GOLGB1: variants seen among roughly 807,000 people sequenced by gnomAD.
GOLGB1 encodes golgin B1, also known as golgin subfamily B member 1.
In GOLGB1, 174 loss-of-function variants were observed where a neutral mutation model predicts 336.9. That is an observed-to-expected ratio of 0.52 (90% CI 0.46 to 0.59). The LOEUF (loss-of-function observed/expected upper bound fraction) is 0.59, where lower values mean the gene tolerates loss of function less well. Among genes scored for constraint, GOLGB1 ranks in the 20% least tolerant of loss-of-function variants. The pLI is 0.00. For missense variants in GOLGB1, 3,331 were observed against 3,645.3 expected (o/e 0.91, Z 2.22); for synonymous variants, 1,208 against 1,289.2 (o/e 0.94, Z 1.35).
At position 121,691,084 on chromosome 3, in the gene GOLGB1, A is replaced by T; in HGVS notation, c.8280T>A (p.Asp2760Glu). The change falls in exon 14 of 22, where the codon GAT becomes GAA. Residue 2760 changes from aspartate to glutamate, a missense_variant. Asp to Glu is a conservative substitution (Grantham distance 45). Transcript: ENST00000614479. ...NSRDHANEELDELKRKYDASL... is the reference protein window; with the variant it reads ...NSRDHANEELEELKRKYDASL... ...TGGCATCATATTTCCTTTTCAGTTC[A>T]TCAAGTTCCTCATTGGCATGATCTC... is the stretch of plus-strand genomic sequence containing the variant. 1.2e-6 allele frequency: 2 copies of T among 1,614,070 alleles called. No individual in the cohort carries two copies. The highest frequency in any genetic ancestry group is 2.2e-5 in the East Asian group (1 of 44,888).
Position 121,691,029 on chromosome 3 carries a change from G to A in GOLGB1, c.8335C>T (p.Gln2779Ter). Reference sequence around the variant, plus strand: ...TCTCTCTCTCTGTTTAAGAGTCCCTGTTCTTTCAACTGTGCCAATTCCTTC... The same window carrying A: ...TCTCTCTCTCTGTTTAAGAGTCCCTATTCTTTCAACTGTGCCAATTCCTTC... Reference protein sequence around the residue: ...SLKELAQLKEQGLLNRERDAL... With the variant: ...SLKELAQLKE Residue 2779 changes from glutamine (Q) to a stop codon, truncating the protein, a stop_gained, in exon 14 of 22, where the codon CAG (glutamine) becomes TAG (stop). Coordinates refer to ENST00000614479, the MANE Select transcript of GOLGB1 (RefSeq NM_001366282.2). LOFTEE classifies it high-confidence loss of function. 6.2e-7 allele frequency: 1 copy of A among 1,613,816 alleles called. No individual in the cohort carries two copies. Among genetic ancestry groups the A allele is most frequent in the South Asian group, 1.1e-5 (1 of 91,060 alleles).
At chr3:121,709,775 TAA>T (rs1046201477) in intron 10 of GOLGB1, among the ~76,000 whole-genome samples, 1 of 151,928 alleles carries the variant, frequency 6.6e-6, no homozygotes, top group African/African-American at 2.4e-5. Flanking sequence ...AAGAGCAAAG[TAA>T]ATCCAAGTAA....
intron 14 of GOLGB1, among the ~76,000 whole-genome samples, chr3:121,690,070 G>A (rs1382617288): frequency 6.6e-6 from 1 of 152,150 alleles, no homozygotes; most frequent in African/African-American, 2.4e-5. Context: ...TGGAAATGTT[G>A]GGTATTAAAA....
chr3:121,741,034 C>A (rs1456305489), intron 1 of GOLGB1, among the ~76,000 whole-genome samples: 7 of 150,186 alleles, frequency 4.7e-5, no homozygotes. Flanking sequence ...AATGTTTTTG[C>A]CAGAAAAAAA....
intron 17 of GOLGB1, among the ~76,000 whole-genome samples, chr3:121,673,686 GCTATCTATCTATCTATCTAT>G (rs59292082): frequency 6.2e-5 from 9 of 145,456 alleles, no homozygotes; most frequent in East Asian, 2.0e-4. Context: ...AAATGGGATT[GCTATCTATCTATCTATCTAT>G]CTATCTATCT....
intron 14 of GOLGB1, among the ~76,000 whole-genome samples, chr3:121,688,994 C>T (rs1942108291): frequency 1.3e-5 from 2 of 151,952 alleles, no homozygotes; most frequent in African/African-American, 4.8e-5. Context: ...GCCCGGCAGC[C>T]ACCCCCTCCG....
chr3:121,685,574 T>TAAATAAATAAAA (rs1941635352), intron 14 of GOLGB1, among the ~76,000 whole-genome samples: 2 of 139,390 alleles, frequency 1.4e-5, no homozygotes, highest in Non-Finnish European at 3.1e-5. Context: ...AATAAATAAA[T>TAAATAAATAAAA]AAAAAGTGCA....
At chr3:121,677,157 T>C in intron 16 of GOLGB1, 127 bp from the exon 17 acceptor site, 1 of 1,255,016 alleles carries the variant, frequency 8.0e-7, no homozygotes, top group Admixed American at 2.1e-5. Flanking sequence ...TAGTGGCAGA[T>C]GGGCACTTAA....
chr3:121,729,263 T>C lies in GOLGB1; in HGVS notation c.327A>G (p.Lys109=). ...CTTGTGCTTTCATTTCTTCTATGTA[T>C]TTATTCAAAGAAGTTAATTTGGCCT... The part of the protein sequence containing the change: ...HAKAKLTSLN[K]YIEEMKAQGG... Residue 109 remains lysine (K), a synonymous_variant, in exon 4 of 22, where the codon AAA becomes AAG. Transcript: ENST00000614479. 1 of 1,613,032 alleles carries C rather than the reference T, an allele frequency of 6.2e-7. No homozygotes were observed. The highest frequency in any genetic ancestry group is 8.5e-7 in the Non-Finnish European group (1 of 1,179,052).
chr3:121,691,953 T>G lies in GOLGB1; in HGVS notation c.7411A>C (p.Met2471Leu). ...TCTCGATCATTTTGGAGAGAAGACATGGATTTAACAAAGGAATCCAACTGT... is the reference window on the plus strand; with the variant it reads ...TCTCGATCATTTTGGAGAGAAGACAGGGATTTAACAAAGGAATCCAACTGT... ...KAQLDSFVKS[M>L]SSLQNDRDRI... Residue 2471 changes from methionine (M) to leucine (L), a missense_variant, in exon 14 of 22, where the codon ATG becomes CTG. Transcript: ENST00000614479. 2 of 1,614,170 alleles carry G rather than the reference T, an allele frequency of 1.2e-6. No homozygotes were observed. The highest frequency in any genetic ancestry group is 8.5e-7 in the Non-Finnish European group (1 of 1,180,012).
intron 4 of GOLGB1, among the ~76,000 whole-genome samples, chr3:121,728,482 C>T (rs1340517399): frequency 6.6e-6 from 1 of 152,222 alleles, no homozygotes; most frequent in African/African-American, 2.4e-5. Context: ...TCCATATAAT[C>T]TGTATCAAAC....
intron 17 of GOLGB1, among the ~76,000 whole-genome samples, chr3:121,675,982 C>T (rs1292414326): frequency 6.6e-6 from 1 of 152,176 alleles, no homozygotes; most frequent in Non-Finnish European, 1.5e-5. Context: ...AGCTGATTTG[C>T]TGGAAGGGGA....
Position 121,691,312 on chromosome 3 carries a change from T to A in GOLGB1, c.8052A>T (p.Lys2684Asn). 1 of 1,612,620 alleles carries A rather than the reference T, an allele frequency of 6.2e-7. No homozygotes were observed. The highest frequency in any genetic ancestry group is 1.1e-5 in the South Asian group (1 of 90,540). Residue 2684 changes from lysine (K) to asparagine (N), a missense_variant, in exon 14 of 22, where the codon AAA (lysine) becomes AAT (asparagine). Lys to Asn is a moderately conservative substitution (Grantham distance 94). Coordinates refer to ENST00000614479, the MANE Select transcript of GOLGB1 (RefSeq NM_001366282.2). ...AAKKVGEIED[K>N]LKKELKHLHH... ...GAAGATGCTTTAATTCTTTCTTCAG[T>A]TTATCTTCAATTTCACCTACCTTCT...
At chr3:121,732,553 T>C (rs952436090) in intron 1 of GOLGB1, among the ~76,000 whole-genome samples, 37 of 152,186 alleles carry the variant, frequency 2.4e-4, no homozygotes, top group African/African-American at 8.4e-4. Context: ...AGAAATGTAA[T>C]GCTAATTCAA....
chr3:121,672,611 C>A (rs1183694001), intron 17 of GOLGB1, among the ~76,000 whole-genome samples: 1 of 152,176 alleles, frequency 6.6e-6, no homozygotes. Flanking sequence ...GCTTCCTTTG[C>A]TGAACAGAAG....
At chr3:121,732,926 C>A (rs1320669874) in intron 1 of GOLGB1, among the ~76,000 whole-genome samples, 1 of 152,188 alleles carries the variant, frequency 6.6e-6, no homozygotes, top group Non-Finnish European at 1.5e-5. Flanking sequence ...AGAAATAAAA[C>A]TGTCTCAACT....
intron 9 of GOLGB1, among the ~76,000 whole-genome samples, chr3:121,715,992 CAA>C (rs55780373): frequency 3.8e-4 from 54 of 141,144 alleles, no homozygotes; most frequent in Middle Eastern, 3.7e-3. Flanking sequence ...AACTCTGTCA[CAA>C]AAAAAAAAAA....
At chr3:121,745,948 T>C (rs1387758042) in intron 1 of GOLGB1, among the ~76,000 whole-genome samples, 1 of 152,204 alleles carries the variant, frequency 6.6e-6, no homozygotes, top group African/African-American at 2.4e-5. Context: ...TGCTAGGAAC[T>C]ATAAAAATAT....
chr3:121,726,887 G>A, intron 5 of GOLGB1, 26 bp downstream of exon 5: 1 of 1,540,192 alleles, frequency 6.5e-7, no homozygotes, highest in South Asian at 1.3e-5. Flanking sequence ...TTAACCTAAT[G>A]ATTATGAAGT....
Sources: allele counts gnomAD v4.1 joint callset (sites outside exome capture counted in the v4.1 genomes callset), GRCh38; gene constraint gnomAD v4.1.1; transcripts MANE v1.5; gene names NCBI Gene and HGNC (gene_info 2026-07-23, HGNC 2026-07-21).